The following PCM1 variants were observed in gnomAD, a reference collection of about 807,000 sequenced individuals.
PCM1 encodes the protein pericentriolar material 1, also known as pericentriolar material 1 protein.
PCM1 carries 157 observed loss-of-function variants against 241.9 expected under a neutral mutation model. That is an observed-to-expected ratio of 0.65 (90% CI 0.57 to 0.74). PCM1 has a LOEUF of 0.74. Ranked by LOEUF, PCM1 falls within the 30% of genes least tolerant of loss-of-function variation. PCM1 has a pLI of 0.00. For synonymous variants in PCM1, 1,085 were observed against 784.9 expected (o/e 1.38, Z -6.39); for missense variants, 3,478 against 2,360.1 (o/e 1.47, Z -9.81).
chr8:17,985,271 GATTTT>G (rs2082226084), intron 24 of PCM1, among the ~76,000 whole-genome samples, 171 bp from the exon 25 acceptor site: 1 of 151,510 alleles, frequency 6.6e-6, no homozygotes, highest in Non-Finnish European at 1.5e-5. Flanking sequence ...GATATTTTAA[GATTTT>G]ATTTATCTTG....
At chr8:18,014,963 A>G (rs1369524865) in intron 36 of PCM1, 123 bp downstream of exon 36, 4 of 816,474 alleles carry the variant, frequency 4.9e-6, no homozygotes, top group African/African-American at 1.7e-5. Flanking sequence ...ATGTTGGAAC[A>G]TTTTTCTAAT....
At chr8:17,950,817 C>A in intron 8 of PCM1, 93 bp downstream of exon 8, 1 of 752,518 alleles carries the variant, frequency 1.3e-6, no homozygotes, top group Non-Finnish European at 2.3e-6. Flanking sequence ...TATCACCTGG[C>A]ATGATTGTTG....
intron 7 of PCM1, among the ~76,000 whole-genome samples, chr8:17,948,633 G>C (rs1387649951): frequency 6.6e-6 from 1 of 152,046 alleles, no homozygotes; most frequent in East Asian, 1.9e-4. Flanking sequence ...TAATGATATA[G>C]CTGTATAGAG....
chr8:17,985,006 G>A (rs570147649), intron 24 of PCM1, among the ~76,000 whole-genome samples: 1 of 151,798 alleles, frequency 6.6e-6, no homozygotes, highest in Non-Finnish European at 1.5e-5. Context: ...TTCATTGGCA[G>A]CATTCAGTTT....
At chr8:17,935,537 A>G in intron 2 of PCM1, 52 bp from the exon 3 acceptor site, 1 of 666,590 alleles carries the variant, frequency 1.5e-6, no homozygotes, top group East Asian at 2.7e-5. Context: ...TGATTTGAAA[A>G]TTGAATTTGT....
At chr8:17,940,644 GAGAA>G (rs2061739201) in intron 6 of PCM1, among the ~76,000 whole-genome samples, 1 of 152,146 alleles carries the variant, frequency 6.6e-6, no homozygotes, top group Non-Finnish European at 1.5e-5. Context: ...GAAAAATCGA[GAGAA>G]AGACTAGTAA....
At chr8:17,959,971 C>T (rs1289417968) in intron 13 of PCM1, 43 bp from the exon 14 acceptor site, 2 of 1,583,336 alleles carry the variant, frequency 1.3e-6, no homozygotes, top group Middle Eastern at 1.7e-4. Flanking sequence ...TGGATAATGT[C>T]TTGAGGTATC....
At chr8:18,026,838 G>C (rs2094258074) in intron 38 of PCM1, among the ~76,000 whole-genome samples, 1 of 151,990 alleles carries the variant, frequency 6.6e-6, no homozygotes, top group South Asian at 2.1e-4. Context: ...CTGGTTCTCT[G>C]TTCAGTTTTA....
intron 36 of PCM1, among the ~76,000 whole-genome samples, chr8:18,024,783 C>A (rs573103880): frequency 6.6e-6 from 1 of 152,016 alleles, no homozygotes; most frequent in Non-Finnish European, 1.5e-5. Flanking sequence ...TGAACAGGAG[C>A]AGGGTGAGAA....
chr8:17,967,708 A>G (rs1452892149), intron 21 of PCM1, among the ~76,000 whole-genome samples: 2 of 152,250 alleles, frequency 1.3e-5, no homozygotes, highest in Admixed American at 1.3e-4. Flanking sequence ...AAGAGGAAAG[A>G]GAACCTGTTC....
chr8:17,964,694 C>T lies in PCM1; in HGVS notation c.2781C>T (p.Ser927=), dbSNP rs2129469205. The change falls in exon 18 of 39, where the codon TCC becomes TCT. Residue 927 remains serine (S), a synonymous_variant. Transcript: ENST00000325083. ...EEEEEEQDAS[S]NDNFSVCPSN... Reference sequence around the variant, plus strand: ...AGGAAGAAGAGCAAGATGCCAGTTCCAATGATAACTTTTCTGTGTGTCCTT... The same window carrying T: ...AGGAAGAAGAGCAAGATGCCAGTTCTAATGATAACTTTTCTGTGTGTCCTT... The T allele has an allele frequency of 7.4e-6, 12 of 1,613,882 alleles. No individual in the cohort carries two copies. Among genetic ancestry groups the T allele is most frequent in the Non-Finnish European group, 1.0e-5 (12 of 1,179,798 alleles).
chr8:18,025,348 CAT>C lies in PCM1; in HGVS notation c.5842-12_5842-11del. 7.2e-7 allele frequency: 1 copy of C among 1,388,378 alleles called. No homozygotes were observed. Among genetic ancestry groups the C allele is most frequent in the Non-Finnish European group, 1.0e-6 (1 of 998,970 alleles). 86.0% of individuals were successfully genotyped at this position (1,388,378 alleles called of 1,614,324 possible). On this transcript the variant is annotated splice_polypyrimidine_tract_variant and intron_variant, in intron 36 of 38. Transcript: ENST00000325083. ...ATCTAGAGTATGTATTTTTTTTTTT[CAT>C]TACATTACAGGAAGCAGAATCTGGT...
chr8:17,952,736 A>G (rs1008979060), intron 8 of PCM1, among the ~76,000 whole-genome samples: 1 of 152,130 alleles, frequency 6.6e-6, no homozygotes, highest in East Asian at 1.9e-4. Context: ...TGGTGTCCCC[A>G]GGGGTCCTTG....
rs751876218 is a variant in PCM1, at chr8:17,938,820, C to T, written c.423C>T (p.Phe141=). 2 of 1,613,308 alleles carry T rather than the reference C, an allele frequency of 1.2e-6. No homozygotes were observed. The highest frequency in any genetic ancestry group is 1.7e-5 in the Admixed American group (1 of 59,998). Residue 141 remains phenylalanine (F), a synonymous_variant, in exon 5 of 39, where the codon TTC becomes TTT. Transcript: ENST00000325083. ...AGCTTAGTGAAAACCGAAAGCCCTTCAACTTTTTGCCTATGCAGATTAATA... is the reference window on the plus strand; with the variant it reads ...AGCTTAGTGAAAACCGAAAGCCCTTTAACTTTTTGCCTATGCAGATTAATA... The part of the protein sequence containing the change: ...KRQLSENRKP[F]NFLPMQINTN...
intron 13 of PCM1, among the ~76,000 whole-genome samples, chr8:17,958,557 C>T (rs1483474958): frequency 1.3e-5 from 2 of 151,824 alleles, no homozygotes; most frequent in East Asian, 3.9e-4. Flanking sequence ...ACTATTAACA[C>T]ATTTATAAAG....
chr8:17,996,500 T>C (rs532838658), intron 29 of PCM1, among the ~76,000 whole-genome samples: 10 of 152,302 alleles, frequency 6.6e-5, no homozygotes, highest in Non-Finnish European at 1.3e-4. Flanking sequence ...TTTTTCTTAG[T>C]CTGGTTAATG....
chr8:18,012,503 G>A (rs1564380370), intron 34 of PCM1, among the ~76,000 whole-genome samples: 1 of 152,088 alleles, frequency 6.6e-6, no homozygotes, highest in Non-Finnish European at 1.5e-5. Flanking sequence ...GGGGTTTGGT[G>A]CTATCCACAG....
chr8:17,937,242 T>G lies in PCM1; in HGVS notation c.205T>G (p.Ser69Ala). 2.5e-6 allele frequency: 4 copies of G among 1,610,638 alleles called. No individual in the cohort carries two copies. Among genetic ancestry groups the G allele is most frequent in the Non-Finnish European group, 3.4e-6 (4 of 1,177,764 alleles). The change falls in exon 4 of 39, where the codon TCA becomes GCA. Residue 69 changes from serine (S) to alanine (A), a missense_variant. Coordinates refer to ENST00000325083, the MANE Select transcript of PCM1 (RefSeq NM_006197.4). ...RVTNDISPES[S>A]PGVGRRRTKT... ...AACCAATGATATTTCTCCGGAGTCG[T>G]CACCAGGAGTTGGAAGGCGAAGAAC...
At chr8:17,964,392 T>C (rs990671161) in intron 17 of PCM1, among the ~76,000 whole-genome samples, 176 bp from the exon 18 acceptor site, 1 of 152,340 alleles carries the variant, frequency 6.6e-6, no homozygotes, top group East Asian at 1.9e-4. Flanking sequence ...CTAAACATAT[T>C]CTGTATATAA....
Sources: allele counts gnomAD v4.1 joint callset (sites outside exome capture counted in the v4.1 genomes callset), GRCh38; gene constraint gnomAD v4.1.1; transcripts MANE v1.5; gene names NCBI Gene and HGNC (gene_info 2026-07-23, HGNC 2026-07-21).